The following MAGI3 variants were observed in gnomAD, a reference collection of about 807,000 sequenced individuals.
MAGI3 encodes membrane-associated guanylate kinase, WW and PDZ domain-containing protein 3.
MAGI3 carries 43 observed loss-of-function variants against 121.8 expected under a neutral mutation model. That is an observed-to-expected ratio of 0.35 (90% CI 0.28 to 0.46). The LOEUF is 0.46. MAGI3 is among the 20% of genes least tolerant of loss of function. The pLI, the probability that MAGI3 is intolerant of heterozygous loss-of-function variation, is 1.00. For synonymous variants in MAGI3, 553 were observed against 639.3 expected (o/e 0.86, Z 2.04); for missense variants, 1,547 against 1,797.3 (o/e 0.86, Z 2.52).
chr1:113,583,424 G>A (rs1648162648), intron 3 of MAGI3, among the ~76,000 whole-genome samples: 1 of 152,026 alleles, frequency 6.6e-6, no homozygotes, highest in Non-Finnish European at 1.5e-5. Flanking sequence ...ATGGATGGCA[G>A]TTATCATATC....
chr1:113,510,720 C>T (rs1418520649), intron 1 of MAGI3, among the ~76,000 whole-genome samples: 3 of 152,184 alleles, frequency 2.0e-5, no homozygotes, highest in African/African-American at 7.2e-5. Flanking sequence ...TAGAGGCCAT[C>T]AGCAATCTGT....
At chr1:113,557,258 C>CA (rs1660034223) in intron 2 of MAGI3, among the ~76,000 whole-genome samples, 1 of 152,202 alleles carries the variant, frequency 6.6e-6, no homozygotes, top group African/African-American at 2.4e-5. Context: ...GCCCTTCAGC[C>CA]ATGCCCACTG....
intron 6 of MAGI3, among the ~76,000 whole-genome samples, chr1:113,610,429 C>T (rs1409469145): frequency 6.6e-6 from 1 of 152,156 alleles, no homozygotes; most frequent in African/African-American, 2.4e-5. Flanking sequence ...TGTCTGCTGT[C>T]ATAGCTTTAA....
intron 1 of MAGI3, among the ~76,000 whole-genome samples, chr1:113,495,341 T>C (rs1219342306): frequency 6.7e-6 from 1 of 150,066 alleles, no homozygotes; most frequent in Non-Finnish European, 1.5e-5. Flanking sequence ...CATTTTGTTT[T>C]AGTTTTTGAA....
chr1:113,508,279 G>A (rs1657442616), intron 1 of MAGI3, among the ~76,000 whole-genome samples: 1 of 152,170 alleles, frequency 6.6e-6, no homozygotes, highest in Non-Finnish European at 1.5e-5. Context: ...GGAAAGAGAA[G>A]CAGAGGTGAA....
At chr1:113,532,334 T>C (rs1658766618) in intron 1 of MAGI3, among the ~76,000 whole-genome samples, 1 of 151,880 alleles carries the variant, frequency 6.6e-6, no homozygotes, top group African/African-American at 2.4e-5. Context: ...TCTCCATGTC[T>C]GCAAATTCCC....
chr1:113,428,587 TAAAAA>T (rs1403370660), intron 1 of MAGI3, among the ~76,000 whole-genome samples: 1 of 152,190 alleles, frequency 6.6e-6, no homozygotes, highest in Non-Finnish European at 1.5e-5. Context: ...GACCATATCT[TAAAAA>T]GTAAAAAGAA....
Position 113,416,331 on chromosome 1 carries a change from T to A in MAGI3, c.316+24982T>A, listed in dbSNP as rs186556558. 1.1e-3 allele frequency among the ~76,000 whole-genome samples: 82 copies of A among 73,548 alleles called. 4 individuals carry two copies. The highest frequency in any genetic ancestry group is 1.6e-3 in the Non-Finnish European group (63 of 38,696). 48.3% of individuals were successfully genotyped at this position (73,548 alleles called of 152,430 possible). On this transcript the variant is annotated intron_variant, in intron 1 of 20. Transcript: ENST00000307546. ...GTAATTAATTATGTAATTAATTATA[T>A]ATCAATCATATATTAATTATATATT...
chr1:113,517,120 GA>G (rs145071278), intron 1 of MAGI3, among the ~76,000 whole-genome samples: 2 of 151,166 alleles, frequency 1.3e-5, no homozygotes, highest in South Asian at 2.1e-4. Context: ...TGGAAAAGGG[GA>G]AAAAAAACTT....
At chr1:113,535,221 C>A (rs1658913006) in intron 1 of MAGI3, among the ~76,000 whole-genome samples, 1 of 151,774 alleles carries the variant, frequency 6.6e-6, no homozygotes, top group South Asian at 2.1e-4. Flanking sequence ...TGCTCTAATT[C>A]TTAAGCACTT....
chr1:113,418,174 A>G (rs957754791), intron 1 of MAGI3, among the ~76,000 whole-genome samples: 2 of 152,170 alleles, frequency 1.3e-5, no homozygotes, highest in African/African-American at 4.8e-5. Context: ...TGTTTACCAC[A>G]GAAAATGTAA....
chr1:113,519,467 T>C (rs1457166545), intron 1 of MAGI3, among the ~76,000 whole-genome samples: 4 of 152,212 alleles, frequency 2.6e-5, no homozygotes, highest in African/African-American at 9.6e-5. Context: ...TATCCCAAAA[T>C]AATGAGACTA....
chr1:113,487,617 T>C lies in MAGI3; in HGVS notation c.317-61898T>C, dbSNP rs189619435. Among the ~76,000 whole-genome samples the C allele has an allele frequency of 1.8e-3, 279 of 152,218 alleles. 1 individual carries two copies. Among genetic ancestry groups the C allele is most frequent in the Non-Finnish European group, 3.4e-3 (231 of 67,992 alleles). ...GGGAAATACTTATGTTTGTGATATA[T>C]TGCAAGTAAAAATTATTGAAATTTT... On this transcript the variant is annotated intron_variant, in intron 1 of 20. Coordinates refer to ENST00000307546, the MANE Select transcript of MAGI3 (RefSeq NM_001142782.2).
chr1:113,638,020 A>G (rs1018464038), intron 9 of MAGI3, among the ~76,000 whole-genome samples: 2 of 152,124 alleles, frequency 1.3e-5, no homozygotes, highest in African/African-American at 4.8e-5. Context: ...AGTTGATCGC[A>G]TCGGCTCCTG....
chr1:113,609,919 C>A (rs928140595), intron 6 of MAGI3, among the ~76,000 whole-genome samples: 1 of 152,126 alleles, frequency 6.6e-6, no homozygotes, highest in Non-Finnish European at 1.5e-5. Context: ...CTAACCCTCC[C>A]CATAGTTTTT....
intron 1 of MAGI3, among the ~76,000 whole-genome samples, chr1:113,506,465 C>G (rs1657333396): frequency 6.6e-6 from 1 of 150,414 alleles, no homozygotes; most frequent in Admixed American, 6.6e-5. Flanking sequence ...TTCTACATTT[C>G]ATATTCTCTC....
Position 113,684,623 on chromosome 1 carries a change from A to G in MAGI3, c.*609A>G, listed in dbSNP as rs1317017495. 6.6e-6 allele frequency: 1 copy of G among 152,314 alleles called. No homozygotes were observed. The highest frequency in any genetic ancestry group is 6.5e-5 in the Admixed American group (1 of 15,284). 9.4% of individuals were successfully genotyped at this position (152,314 alleles called of 1,614,324 possible). ...AAGGAAAAAAAAAATGTAGTCCAAT[A>G]TTGATGCTTTCTTATGGCTTTTTAT... On this transcript the variant is annotated 3_prime_UTR_variant, in exon 21 of 21. Transcript: ENST00000307546.
chr1:113,682,160 ATTTTT>A, intron 20 of MAGI3: 8 of 1,403,988 alleles, frequency 5.7e-6, no homozygotes, highest in South Asian at 4.3e-5. Flanking sequence ...AACTGCACTG[ATTTTT>A]TTTTTTTTTT....
At chr1:113,554,240 A>G (rs1475300081) in intron 2 of MAGI3, among the ~76,000 whole-genome samples, 2 of 152,130 alleles carry the variant, frequency 1.3e-5, no homozygotes, top group Non-Finnish European at 1.5e-5. Context: ...TTTAAAGAAC[A>G]GTATCAACAT....
Sources: allele counts gnomAD v4.1 joint callset (sites outside exome capture counted in the v4.1 genomes callset), GRCh38; gene constraint gnomAD v4.1.1; transcripts MANE v1.5; gene names NCBI Gene and HGNC (gene_info 2026-07-23, HGNC 2026-07-21).